MICA: variants seen among roughly 807,000 people sequenced by gnomAD.
MICA encodes the protein MHC class I polypeptide-related sequence A, also known as HLA class I antigen.
Under a neutral mutation model 34.3 loss-of-function variants are expected in MICA, and 18 were observed. That is an observed-to-expected ratio of 0.52 (90% CI 0.36 to 0.78). MICA has a LOEUF of 0.78. Among genes scored for constraint, MICA ranks in the 30% least tolerant of loss-of-function variants. The probability of loss-of-function intolerance (pLI) is 0.00; values close to 1 mark genes in which losing one functional copy is unlikely to be tolerated. For missense variants in MICA, 333 were observed against 409.4 expected (o/e 0.81, Z 1.61); for synonymous variants, 135 against 156.9 (o/e 0.86, Z 1.04).
At position 31,412,263 on chromosome 6, in the gene MICA, G is replaced by C. The variant is rs1029519673; in HGVS notation, c.892+38G>C. On this transcript the variant is annotated intron_variant, in intron 4 of 5. Transcript: ENST00000449934. ...TGACCCTGGAGAGGGTCAGGCCAGGGTAGGGACAGCAGGGATGGCTGTGGC... is the reference window on the plus strand; with the variant it reads ...TGACCCTGGAGAGGGTCAGGCCAGGCTAGGGACAGCAGGGATGGCTGTGGC... 3.7e-6 allele frequency: 6 copies of C among 1,606,552 alleles called. No individual in the cohort carries two copies. In the African/African-American group the frequency reaches 8.1e-5, roughly 22 times the overall value.
chr6:31,402,226 T>C (rs2113713576), upstream of MICA: 1 of 152,214 alleles, frequency 6.6e-6, no homozygotes, highest in East Asian at 1.9e-4. Flanking sequence ...ATCAATTAGT[T>C]GTAAACACTG....
In MICA at chr6:31,412,113, G is replaced by A. The variant is rs1362982089; in HGVS notation, c.780G>A (p.Gly260=). 6.2e-7 allele frequency: 1 copy of A among 1,613,136 alleles called. No homozygotes were observed. The highest frequency in any genetic ancestry group is 2.2e-5 in the East Asian group (1 of 44,808). ...AGTGGGGGGATGTCCTGCCTGATGG[G>A]AATGGAACCTACCAGACCTGGGTGG... is the stretch of plus-strand genomic sequence containing the variant. ...TQQWGDVLPD[G]NGTYQTWVAT... The change falls in exon 4 of 6, where the codon GGG becomes GGA. Residue 260 remains glycine, a synonymous_variant. Coordinates refer to ENST00000449934, the MANE Select transcript of MICA (RefSeq NM_001177519.3).
At position 31,412,181 on chromosome 6, in the gene MICA, A is replaced by T. The variant is rs1771214682; in HGVS notation, c.848A>T (p.Tyr283Phe). The change falls in exon 4 of 6, where the codon TAC becomes TTC. Residue 283 changes from tyrosine to phenylalanine, a missense_variant. By Grantham distance (22) the Tyr-to-Phe change is conservative (BLOSUM62 3). Coordinates refer to ENST00000449934, the MANE Select transcript of MICA (RefSeq NM_001177519.3). Reference protein sequence around the residue: ...CRGEEQRFTCYMEHSGNHSTH... With the variant: ...CRGEEQRFTCFMEHSGNHSTH... ...GGAGAGGAGCAGAGGTTCACCTGCT[A>T]CATGGAACACAGCGGGAATCACAGC... The T allele has an allele frequency of 1.2e-6, 2 of 1,612,134 alleles. No homozygotes were observed. Among genetic ancestry groups the T allele is most frequent in the Non-Finnish European group, 1.7e-6 (2 of 1,179,638 alleles).
upstream of MICA, chr6:31,403,553 CG>C (rs1770560548): frequency 1.7e-6 from 2 of 1,183,312 alleles, no homozygotes; most frequent in East Asian, 6.2e-5. The surrounding 1 kb of genome is among the most constrained non-coding windows in gnomAD (Gnocchi z 4.7). Flanking sequence ...GTCGGGGGAC[CG>C]GGCCAGGTGA....
intron 5 of MICA, 128 bp downstream of exon 5, chr6:31,412,588 A>ATTTTT: frequency 2.9e-6 from 2 of 681,524 alleles, no homozygotes; most frequent in South Asian, 1.9e-5. Context: ...AAGTTGGGGA[A>ATTTTT]TTTGGGAAGG....
rs1032749341 is a variant in MICA at position 31,410,400 on chromosome 6, T to C, written c.71-143T>C. 19 of 1,099,238 alleles carry C rather than the reference T, an allele frequency of 1.7e-5. 1 individual carries two copies. In the African/African-American group the frequency reaches 3.1e-4, roughly 18 times the overall value. 68.1% of individuals were successfully genotyped at this position (1,099,238 alleles called of 1,614,324 possible). A position where few individuals can be genotyped will look rare whatever the true frequency, so the allele number is the denominator to read the frequency against. ...TATCCTCCCACCCTCACAGTTTTCT[T>C]TGTATATGAAATCCTCGTTCTTGTC... On this transcript the variant is annotated intron_variant, in intron 1 of 5. Coordinates refer to ENST00000449934, the MANE Select transcript of MICA (RefSeq NM_001177519.3).
At position 31,412,095 on chromosome 6, in the gene MICA, G is replaced by T; in HGVS notation, c.762G>T (p.Gly254=). 4 of 1,613,170 alleles carry T rather than the reference G, an allele frequency of 2.5e-6. No homozygotes were observed. The highest frequency in any genetic ancestry group is 3.4e-6 in the Non-Finnish European group (4 of 1,179,936). The change falls in exon 4 of 6, where the codon GGG becomes GGT. Residue 254 remains glycine, a synonymous_variant. Coordinates refer to ENST00000449934, the MANE Select transcript of MICA (RefSeq NM_001177519.3). ...VSLSHDTQQW[G]DVLPDGNGTY... ...TGAGCCACGACACCCAGCAGTGGGG[G>T]GATGTCCTGCCTGATGGGAATGGAA... is the stretch of plus-strand genomic sequence containing the variant.
intron 5 of MICA, among the ~76,000 whole-genome samples, chr6:31,412,866 G>A: frequency 6.6e-6 from 1 of 151,922 alleles, no homozygotes; most frequent in Non-Finnish European, 1.5e-5. Context: ...GTGATCTGGG[G>A]AGGGCCAGAA....
In MICA at chr6:31,411,439, C is replaced by T. The variant is rs1771150204; in HGVS notation, c.613+80C>T. ...CACCTCCCAGATGTGTCCAGGGAAA[C>T]CCTCCCTGTGCTATGGATGAAGGCA... On this transcript the variant is annotated intron_variant, in intron 3 of 5. Coordinates refer to ENST00000449934, the MANE Select transcript of MICA (RefSeq NM_001177519.3). The surrounding 1 kb of genome is among the most constrained non-coding windows in gnomAD (Gnocchi z 4.3). 2 of 1,361,702 alleles carry T rather than the reference C, an allele frequency of 1.5e-6. No individual in the cohort carries two copies. 84.4% of individuals were successfully genotyped at this position (1,361,702 alleles called of 1,614,324 possible). A position where few individuals can be genotyped will look rare whatever the true frequency, so the allele number is the denominator to read the frequency against.
chr6:31,409,494 AT>A (rs759520349), intron 1 of MICA, among the ~76,000 whole-genome samples: 8 of 111,980 alleles, frequency 7.1e-5, no homozygotes, highest in African/African-American at 1.2e-4. Context: ...TCTTTTGCCC[AT>A]TTTTTCCCCC....
At position 31,404,858 on chromosome 6, in the gene MICA, C is replaced by T. The variant is rs528193484; in HGVS notation, c.70+1156C>T. Among the ~76,000 whole-genome samples the T allele has an allele frequency of 6.3e-4, 96 of 151,430 alleles. 3 individuals carry two copies. Among genetic ancestry groups the T allele is most frequent in the African/African-American group, 2.3e-3 (93 of 41,132 alleles). On this transcript the variant is annotated intron_variant, in intron 1 of 5. Coordinates refer to ENST00000449934, the MANE Select transcript of MICA (RefSeq NM_001177519.3). ...ATCCTCAGCCTCACCCTCTTGAGGACCCCACCCTCCAGCCCACAGGTGCTG... is the reference window on the plus strand; with the variant it reads ...ATCCTCAGCCTCACCCTCTTGAGGATCCCACCCTCCAGCCCACAGGTGCTG...
intron 1 of MICA, among the ~76,000 whole-genome samples, chr6:31,409,585 C>T (rs74295995): frequency 0.061 from 8,119 of 132,898 alleles, 287 homozygotes; most frequent in East Asian, 0.12. Context: ...TCTGATTGTG[C>T]CCTTTGATGC....
At position 31,412,324 on chromosome 6, in the gene MICA, G is replaced by A. The variant is rs1449371482; in HGVS notation, c.893-1G>A. ...GTGTATAACAAGTCCCTTTTTTTCA[G>A]GGAAAGTGCTGGTGCTTCAGAGTCA... On this transcript the variant is annotated splice_acceptor_variant, in intron 4 of 5. Coordinates refer to ENST00000449934, the MANE Select transcript of MICA (RefSeq NM_001177519.3). LOFTEE classifies it high-confidence loss of function. 2 of 1,602,092 alleles carry A rather than the reference G, an allele frequency of 1.2e-6. No individual in the cohort carries two copies. The highest frequency in any genetic ancestry group is 8.5e-7 in the Non-Finnish European group (1 of 1,176,162).
rs41554616 is a variant in MICA, at chr6:31,412,153, C to T, written c.820C>T (p.Arg274Ter). ...YQTWVATRIC[R>*]GEEQRFTCYM... Reference sequence around the variant, plus strand: ...GACCTGGGTGGCCACCAGGATTTGCCGAGGAGAGGAGCAGAGGTTCACCTG... The same window carrying T: ...GACCTGGGTGGCCACCAGGATTTGCTGAGGAGAGGAGCAGAGGTTCACCTG... The change falls in exon 4 of 6, where the codon CGA becomes TGA. Residue 274 changes from arginine to a stop codon, truncating the protein, a stop_gained. Transcript: ENST00000449934. LOFTEE classifies it high-confidence loss of function. 6 of 1,612,608 alleles carry T rather than the reference C, an allele frequency of 3.7e-6. No individual in the cohort carries two copies. The highest frequency in any genetic ancestry group is 4.5e-5 in the East Asian group (2 of 44,794).
intron 1 of MICA, among the ~76,000 whole-genome samples, chr6:31,406,139 T>C (rs1770735430): frequency 1.3e-5 from 2 of 151,872 alleles, no homozygotes; most frequent in African/African-American, 4.8e-5. Flanking sequence ...TTTCCCATAG[T>C]GGTTGTACTA....
intron 5 of MICA, among the ~76,000 whole-genome samples, chr6:31,413,204 G>A (rs1253505894): frequency 1.3e-5 from 2 of 151,868 alleles, no homozygotes; most frequent in East Asian, 1.9e-4. Flanking sequence ...TGACATGGAT[G>A]AGTAGATAAG....
At position 31,411,360 on chromosome 6, in the gene MICA, G is replaced by C. The variant is rs752071540; in HGVS notation, c.613+1G>C. 31 of 1,557,638 alleles carry C rather than the reference G, an allele frequency of 2.0e-5. No individual in the cohort carries two copies. The highest frequency in any genetic ancestry group is 3.3e-4 in the Middle Eastern group (2 of 5,986). ...TCCGGCGTAGTCCTGAGGAGAACAG[G>C]TACCGACGCTGGCCAGGGGCTCTCC... On this transcript the variant is annotated splice_donor_variant, in intron 3 of 5. Coordinates refer to ENST00000449934, the MANE Select transcript of MICA (RefSeq NM_001177519.3). LOFTEE classifies it high-confidence loss of function. This position sits in a 1 kb window ranked among gnomAD's most constrained non-coding sequence, Gnocchi z 4.3.
At position 31,410,667 on chromosome 6, in the gene MICA, G is replaced by A. The variant is rs1329113856; in HGVS notation, c.195G>A (p.Arg65=). 5.6e-6 allele frequency: 9 copies of A among 1,613,434 alleles called. No individual in the cohort carries two copies. The highest frequency in any genetic ancestry group is 7.6e-6 in the Non-Finnish European group (9 of 1,180,034). The change falls in exon 2 of 6, where the codon AGG becomes AGA. Residue 65 remains arginine, a synonymous_variant. Transcript: ENST00000449934. ...PFLRYDRQKC[R]AKPQGQWAED... ...TGCGCTATGACAGGCAGAAATGCAG[G>A]GCAAAGCCCCAGGGACAGTGGGCAG...
Position 31,411,419 on chromosome 6 carries a change from C to T in MICA, c.613+60C>T, listed in dbSNP as rs1167453471. 1.9e-5 allele frequency: 28 copies of T among 1,471,310 alleles called. No homozygotes were observed. The highest frequency in any genetic ancestry group is 2.6e-5 in the Non-Finnish European group (28 of 1,097,354). The allele number at this position is 1,471,310 out of a possible 1,614,324, so 91.1% of individuals were successfully genotyped here. Reference sequence around the variant, plus strand: ...CAATTCTGCTAGAGTTGCCTCACCTCCCAGATGTGTCCAGGGAAACCCTCC... The same window carrying T: ...CAATTCTGCTAGAGTTGCCTCACCTTCCAGATGTGTCCAGGGAAACCCTCC... On this transcript the variant is annotated intron_variant, in intron 3 of 5. Transcript: ENST00000449934. The surrounding 1 kb of genome is among the most constrained non-coding windows in gnomAD (Gnocchi z 4.3).
Sources: allele counts gnomAD v4.1 joint callset (sites outside exome capture counted in the v4.1 genomes callset), GRCh38; gene constraint gnomAD v4.1.1; non-coding constraint Gnocchi (gnomAD v3.1); transcripts MANE v1.5; gene names NCBI Gene and HGNC (gene_info 2026-07-23, HGNC 2026-07-21).